GAP43: variants seen among roughly 807,000 people sequenced by gnomAD.
GAP43 encodes growth associated protein 43.
GAP43 carries 6 observed loss-of-function variants against 18.6 expected under a neutral mutation model. The observed-to-expected ratio is 0.32, with a 90% CI of 0.18 to 0.64. The LOEUF (loss-of-function observed/expected upper bound fraction) is 0.64. GAP43 is among the 30% of genes least tolerant of loss of function. The pLI is 0.78. For synonymous variants in GAP43, 115 were observed against 111.4 expected, an observed-to-expected ratio of 1.03 and a Z score of -0.20; for missense variants, 292 against 295.5, an observed-to-expected ratio of 0.99 and a Z score of 0.09.
At chr3:115,636,089 C>T (rs1464820234) in intron 1 of GAP43, among the ~76,000 whole-genome samples, 1 of 152,064 alleles carries the variant, frequency 6.6e-6, no homozygotes, top group Non-Finnish European at 1.5e-5. Flanking sequence ...CCATGAGAAT[C>T]ATAAGAATAC....
chr3:115,626,194 C>A (rs1038051993), intron 1 of GAP43, among the ~76,000 whole-genome samples: 2 of 152,204 alleles, frequency 1.3e-5, no homozygotes, highest in Non-Finnish European at 2.9e-5. Context: ...TGGTGCCCAT[C>A]CTTCTGCTGG....
intron 2 of GAP43, among the ~76,000 whole-genome samples, chr3:115,694,391 G>A (rs563481080): frequency 2.0e-5 from 3 of 152,274 alleles, no homozygotes; most frequent in Admixed American, 6.5e-5. Context: ...CCAACCTAAT[G>A]CATATTTGAT....
At chr3:115,624,229 T>C (rs1224344663) in intron 1 of GAP43, among the ~76,000 whole-genome samples, 1 of 152,184 alleles carries the variant, frequency 6.6e-6, no homozygotes, top group Non-Finnish European at 1.5e-5. Flanking sequence ...CAGGTATTTA[T>C]GGAAAAACGT....
chr3:115,700,571 T>C (rs1709284418), intron 2 of GAP43, among the ~76,000 whole-genome samples: 1 of 152,162 alleles, frequency 6.6e-6, no homozygotes. Flanking sequence ...TGTGTTCCTT[T>C]TAGTCTTGGC....
At chr3:115,687,119 T>TA (rs1174969235) in intron 2 of GAP43, among the ~76,000 whole-genome samples, 1 of 151,330 alleles carries the variant, frequency 6.6e-6, no homozygotes, top group Non-Finnish European at 1.5e-5. Context: ...CCCCCTCTTT[T>TA]TTTTTTTTTG....
chr3:115,695,852 G>A (rs373057617), intron 2 of GAP43, among the ~76,000 whole-genome samples: 31 of 152,162 alleles, frequency 2.0e-4, no homozygotes, highest in East Asian at 1.9e-3. Context: ...TAACAGCATC[G>A]CAGAGTTGAT....
chr3:115,623,553 G>GA lies in GAP43; in HGVS notation c.-137_-136insA. 1 of 1,002,246 alleles carries GA rather than the reference G, an allele frequency of 1.0e-6. No individual in the cohort carries two copies. Among genetic ancestry groups the GA allele is most frequent in the Non-Finnish European group, 1.5e-6 (1 of 656,844 alleles). The allele number at this position is 1,002,246 out of a possible 1,614,324, so 62.1% of individuals were successfully genotyped here. On this transcript the variant is annotated 5_prime_UTR_variant, in exon 1 of 3. Coordinates refer to ENST00000305124, the MANE Select transcript of GAP43 (RefSeq NM_002045.4). ...CCTGGTGTGTGTGAGGGAGAGAGAG[G>GA]GAGGGAGGGAGAGAGAGCGCGCTAG...
At chr3:115,690,014 T>C (rs1709085481) in intron 2 of GAP43, among the ~76,000 whole-genome samples, 1 of 152,262 alleles carries the variant, frequency 6.6e-6, no homozygotes, top group Non-Finnish European at 1.5e-5. Context: ...CTTGTAGCTC[T>C]GTTTCTGACA....
At chr3:115,698,160 TATAAAATATATTAA>T (rs1441625272) in intron 2 of GAP43, among the ~76,000 whole-genome samples, 3 of 57,418 alleles carry the variant, frequency 5.2e-5, no homozygotes, top group African/African-American at 2.1e-4. Context: ...ATATATAATA[TATAAAATATATTAA>T]ATAATATATA....
rs751165753 is a variant in GAP43, at chr3:115,676,546, T to C, written c.564T>C (p.Ala188=). 3.7e-6 allele frequency: 6 copies of C among 1,613,234 alleles called. No individual in the cohort carries two copies. The highest frequency in any genetic ancestry group is 5.1e-6 in the Non-Finnish European group (6 of 1,179,952). Reference sequence around the variant, plus strand: ...CCACCCCTGCCGCAGAGGATGCTGCTGCCAAGGCAACAGCCCAGCCTCCAA... The same window carrying C: ...CCACCCCTGCCGCAGAGGATGCTGCCGCCAAGGCAACAGCCCAGCCTCCAA... ...AATTPAAEDA[A]AKATAQPPTE... Residue 188 remains alanine (A), a synonymous_variant, in exon 2 of 3, where the codon GCT becomes GCC. Coordinates refer to ENST00000305124, the MANE Select transcript of GAP43 (RefSeq NM_002045.4).
At chr3:115,655,579 T>C (rs955600064) in intron 1 of GAP43, among the ~76,000 whole-genome samples, 1 of 152,208 alleles carries the variant, frequency 6.6e-6, no homozygotes, top group Non-Finnish European at 1.5e-5. Flanking sequence ...CAGAATATTA[T>C]ATACAGGGAT....
intron 2 of GAP43, among the ~76,000 whole-genome samples, chr3:115,697,982 T>TGC (rs141460121): frequency 0.72 from 72,290 of 100,790 alleles, 24,774 homozygotes; most frequent in Middle Eastern, 0.78. Flanking sequence ...AGAGTACATG[T>TGC]GCGTGTGTGT....
At chr3:115,672,338 T>C (rs758737707) in intron 1 of GAP43, among the ~76,000 whole-genome samples, 40 of 152,170 alleles carry the variant, frequency 2.6e-4, no homozygotes, top group Non-Finnish European at 8.8e-5. Flanking sequence ...AAGTAAGCGC[T>C]TCTATTTCTA....
intron 1 of GAP43, chr3:115,663,535 C>T (rs1397966580): frequency 2.4e-6 from 3 of 1,252,866 alleles, no homozygotes; most frequent in East Asian, 6.8e-5. Context: ...AAAAGGGAAC[C>T]TGGTCTCTGG....
intron 2 of GAP43, among the ~76,000 whole-genome samples, chr3:115,685,656 T>A (rs745575347): frequency 1.4e-4 from 22 of 152,226 alleles, no homozygotes; most frequent in Non-Finnish European, 3.1e-4. Context: ...GTCACCCTCA[T>A]GTATTTGGTA....
chr3:115,641,927 C>T (rs565515652), intron 1 of GAP43, among the ~76,000 whole-genome samples: 3 of 151,972 alleles, frequency 2.0e-5, no homozygotes, highest in African/African-American at 7.2e-5. Context: ...TAGTCCGCTC[C>T]CTCCTGTCTC....
At chr3:115,701,532 T>C (rs1413697868) in intron 2 of GAP43, among the ~76,000 whole-genome samples, 1 of 151,990 alleles carries the variant, frequency 6.6e-6, no homozygotes, top group Non-Finnish European at 1.5e-5. Flanking sequence ...ATCTTATCTC[T>C]TTTAGATTCT....
chr3:115,714,270 G>A (rs558423925), intron 2 of GAP43, among the ~76,000 whole-genome samples: 13 of 152,308 alleles, frequency 8.5e-5, no homozygotes, highest in African/African-American at 2.9e-4. Context: ...TTTCTATGAT[G>A]TTAACTTTCT....
chr3:115,715,283 A>G (rs981699467), intron 2 of GAP43, among the ~76,000 whole-genome samples: 7 of 152,230 alleles, frequency 4.6e-5, no homozygotes, highest in African/African-American at 1.4e-4. Context: ...AAGTAAAAGT[A>G]CTATTCAGAG....
Sources: allele counts gnomAD v4.1 joint callset (sites outside exome capture counted in the v4.1 genomes callset), GRCh38; gene constraint gnomAD v4.1.1; transcripts MANE v1.5; gene names NCBI Gene and HGNC (gene_info 2026-07-23, HGNC 2026-07-21).